The following ADAP1 variants were observed in gnomAD, a reference collection of about 807,000 sequenced individuals.
ADAP1 encodes arf-GAP with dual PH domain-containing protein 1.
In ADAP1, 31 loss-of-function variants were observed where a neutral mutation model predicts 54.9. That is an observed-to-expected ratio of 0.56 (90% confidence interval 0.42 to 0.76). The LOEUF (loss-of-function observed/expected upper bound fraction) is 0.76. ADAP1 is among the 30% of genes least tolerant of loss of function. The pLI is 0.00. For missense variants in ADAP1, 535 were observed against 512.4 expected, an observed-to-expected ratio of 1.04 and a Z score of -0.42; for synonymous variants, 313 against 202.6, an observed-to-expected ratio of 1.55 and a Z score of -4.63.
intron 3 of ADAP1, among the ~76,000 whole-genome samples, chr7:924,642 A>C (rs1846321608): frequency 6.7e-6 from 1 of 149,886 alleles, no homozygotes; most frequent in Non-Finnish European, 1.5e-5. Flanking sequence ...TCATACAGGG[A>C]TTCACACCCC....
intron 1 of ADAP1, among the ~76,000 whole-genome samples, chr7:953,788 G>C (rs1847323431): frequency 6.6e-6 from 1 of 152,248 alleles, no homozygotes. Context: ...GCCCGGCCGG[G>C]AGAACGAACG....
At chr7:908,995 G>A (rs970208966) in intron 4 of ADAP1, among the ~76,000 whole-genome samples, 2 of 152,114 alleles carry the variant, frequency 1.3e-5, no homozygotes, top group Middle Eastern at 3.4e-3. Flanking sequence ...TGCCATGCCC[G>A]CCGCGCCCAG....
intron 1 of ADAP1, among the ~76,000 whole-genome samples, chr7:951,721 C>A (rs564486486): frequency 1.3e-5 from 2 of 152,282 alleles, no homozygotes; most frequent in East Asian, 1.9e-4. Flanking sequence ...GGTGACAGAG[C>A]GAGACCTTAA....
At chr7:911,318 C>T (rs868235496) in intron 4 of ADAP1, among the ~76,000 whole-genome samples, 4 of 152,216 alleles carry the variant, frequency 2.6e-5, no homozygotes, top group Middle Eastern at 6.8e-3. Context: ...CACTCACACA[C>T]GGGTTCACAG....
At chr7:915,385 C>T (rs1047671755) in intron 4 of ADAP1, among the ~76,000 whole-genome samples, 2 of 152,234 alleles carry the variant, frequency 1.3e-5, no homozygotes, top group African/African-American at 4.8e-5. Flanking sequence ...GCGGCCTGGT[C>T]TCCACAGGCA....
chr7:923,787 G>A (rs1480764463), intron 3 of ADAP1, among the ~76,000 whole-genome samples: 2 of 152,182 alleles, frequency 1.3e-5, no homozygotes, highest in Non-Finnish European at 2.9e-5. Flanking sequence ...GACGCCACCC[G>A]GACATCTGTG....
intron 4 of ADAP1, among the ~76,000 whole-genome samples, chr7:906,705 G>GA (rs1845427468): frequency 1.2e-4 from 4 of 32,602 alleles, no homozygotes; most frequent in African/African-American, 4.0e-4. Flanking sequence ...ATGGACATGG[G>GA]GGACGGGACA....
intron 4 of ADAP1, among the ~76,000 whole-genome samples, chr7:912,854 ATTTAT>A (rs1299539723): frequency 6.6e-6 from 1 of 151,640 alleles, no homozygotes; most frequent in African/African-American, 2.4e-5. Context: ...CGCCAGGCCT[ATTTAT>A]TTATGTTTTA....
chr7:900,270 G>A (rs1308097025), intron 7 of ADAP1, 106 bp from the exon 8 acceptor site: 3 of 1,408,710 alleles, frequency 2.1e-6, no homozygotes, highest in African/African-American at 2.8e-5. Flanking sequence ...CACCAGGTCA[G>A]GGCCCAGGCC....
chr7:907,849 G>A (rs577550285), intron 4 of ADAP1, among the ~76,000 whole-genome samples: 22 of 152,148 alleles, frequency 1.4e-4, no homozygotes, highest in Admixed American at 1.1e-3. Context: ...TCACGGGGCC[G>A]TCTGCCAAGC....
At chr7:905,702 GAGAAAGGA>G (rs1845201938) in intron 4 of ADAP1, 12 of 70,026 alleles carry the variant, frequency 1.7e-4, no homozygotes, top group African/African-American at 3.6e-4. Flanking sequence ...AAGGAGAAAG[GAGAAAGGA>G]GAAAGGAGAA....
At chr7:919,175 AGGCCGCAGGCCGG>A (rs148991176) in intron 4 of ADAP1, among the ~76,000 whole-genome samples, 37,532 of 152,092 alleles carry the variant, frequency 0.25, 4,821 homozygotes, top group Admixed American at 0.29. Context: ...GGGGAGGTGG[AGGCCGCAGGCCGG>A]GGCCGCACCC....
intron 4 of ADAP1, among the ~76,000 whole-genome samples, chr7:910,988 C>A (rs12674062): frequency 0.04 from 6,104 of 152,248 alleles, 435 homozygotes; most frequent in East Asian, 0.27. Flanking sequence ...CTCTGTGAGC[C>A]CGCACAGGGC....
chr7:954,454 C>G lies in ADAP1; in HGVS notation c.24G>C (p.Ala8=). The G allele has an allele frequency of 9.3e-7, 1 of 1,072,198 alleles. No homozygotes were observed. Among genetic ancestry groups the G allele is most frequent in the Non-Finnish European group, 1.1e-6 (1 of 885,428 alleles). The allele number at this position is 1,072,198 out of a possible 1,614,324, so 66.4% of individuals were successfully genotyped here. Residue 8 remains alanine, a synonymous_variant, in exon 1 of 11, where the codon GCG becomes GCC. Coordinates refer to ENST00000265846, the MANE Select transcript of ADAP1 (RefSeq NM_006869.4). ...CCGGCCGCTGCAGCAGCTCCAGGAC[C>G]GCCCTGCGCCGCTCCTTGGCCATGG... is the stretch of plus-strand genomic sequence containing the variant. MAKERRR[A]VLELLQRPGN... is the part of the protein sequence containing the mutation.
At chr7:906,750 GGA>G in intron 4 of ADAP1, among the ~76,000 whole-genome samples, 1 of 26,186 alleles carries the variant, frequency 3.8e-5, no homozygotes, top group African/African-American at 1.2e-4. Flanking sequence ...AGTACATAGG[GGA>G]CATGGACAGG....
At chr7:900,403 G>A in intron 7 of ADAP1, 130 bp downstream of exon 7, 1 of 1,074,744 alleles carries the variant, frequency 9.3e-7, no homozygotes, top group South Asian at 1.5e-5. Context: ...ACGTCAGGGT[G>A]AGCCCTTGGC....
At chr7:906,374 GA>G (rs1335146448) in intron 4 of ADAP1, among the ~76,000 whole-genome samples, 1 of 49,150 alleles carries the variant, frequency 2.0e-5, no homozygotes, top group Non-Finnish European at 4.3e-5. Context: ...AAAGAGAAAG[GA>G]GAAAGGAGAA....
In ADAP1 at chr7:898,801, G is replaced by A. The variant is rs989804561; in HGVS notation, c.*120C>T. The A allele has an allele frequency of 4.6e-5, 65 of 1,405,062 alleles. No homozygotes were observed. Among genetic ancestry groups the A allele is most frequent in the African/African-American group, 2.7e-4 (19 of 70,354 alleles). 87.0% of individuals were successfully genotyped at this position (1,405,062 alleles called of 1,614,324 possible). A position where few individuals can be genotyped will look rare whatever the true frequency, so the allele number is the denominator to read the frequency against. On this transcript the variant is annotated 3_prime_UTR_variant, in exon 11 of 11. Coordinates refer to ENST00000265846, the MANE Select transcript of ADAP1 (RefSeq NM_006869.4). Reference sequence around the variant, plus strand: ...AGCTCGGGCCCTACCTGGCCGCGCCGGGCTGCCCTGAGGAGCAGGTGGGGC... The same window carrying A: ...AGCTCGGGCCCTACCTGGCCGCGCCAGGCTGCCCTGAGGAGCAGGTGGGGC...
At position 904,144 on chromosome 7, in the gene ADAP1, G is replaced by A. The variant is rs1349899600; in HGVS notation, c.630C>T (p.Ile210=). 5.0e-6 allele frequency: 8 copies of A among 1,612,430 alleles called. No individual in the cohort carries two copies. The highest frequency in any genetic ancestry group is 3.3e-4 in the Middle Eastern group (2 of 6,056). Residue 210 remains isoleucine, a synonymous_variant, in exon 6 of 11, where the codon ATC becomes ATT. Transcript: ENST00000265846. ...CACCCACCTTCCCGTCCTCATGGTA[G>A]ATGAAGATGTTACGGGTGCTGTTGT... The part of the protein sequence containing the change: ...LKDNSTRNIF[I]YHEDGKEIVD...
Sources: gnomAD v4.1 joint callset for allele counts (sites outside exome capture counted in the v4.1 genomes callset) on GRCh38, gnomAD v4.1.1 for gene constraint, MANE v1.5 for transcripts, NCBI Gene and HGNC (gene_info 2026-07-23, HGNC 2026-07-21) for gene names.